PRKN: variants seen among roughly 807,000 people sequenced by gnomAD.
PRKN encodes the protein parkin RBR E3 ubiquitin protein ligase.
PRKN carries 56 observed loss-of-function variants against 59.5 expected under a neutral mutation model. The observed-to-expected ratio is 0.94, with a 90% CI of 0.76 to 1.18. The LOEUF is 1.18. Ranked by LOEUF, PRKN falls within the 50% of genes most tolerant of loss-of-function variation. The pLI, the probability that PRKN is intolerant of heterozygous loss-of-function variation, is 0.00. For missense variants in PRKN, 657 were observed against 596.4 expected (o/e 1.10, Z -1.06); for synonymous variants, 250 against 222.1 (o/e 1.13, Z -1.12).
chr6:162,207,239 C>T (rs988482610), intron 3 of PRKN, among the ~76,000 whole-genome samples: 1 of 152,026 alleles, frequency 6.6e-6, no homozygotes, highest in African/African-American at 2.4e-5. Context: ...GGCTTGGTGG[C>T]CGGACCCCTG....
At chr6:161,608,037 G>A (rs1782347212) in intron 7 of PRKN, among the ~76,000 whole-genome samples, 1 of 152,112 alleles carries the variant, frequency 6.6e-6, no homozygotes, top group Admixed American at 6.6e-5. Context: ...AGTGTTGGGG[G>A]GACAATAGAG....
chr6:162,410,530 T>C (rs1459828431), intron 2 of PRKN, among the ~76,000 whole-genome samples: 3 of 152,192 alleles, frequency 2.0e-5, no homozygotes, highest in Non-Finnish European at 4.4e-5. Context: ...CTGTCCCCCT[T>C]GCTGAAAAGC....
chr6:161,901,661 G>A (rs1777920825), intron 6 of PRKN, among the ~76,000 whole-genome samples: 3 of 152,122 alleles, frequency 2.0e-5, no homozygotes, highest in African/African-American at 7.2e-5. Context: ...ATTTAAACAG[G>A]GAGAAGGACA....
intron 2 of PRKN, among the ~76,000 whole-genome samples, chr6:162,391,357 T>A (rs971300842): frequency 6.6e-6 from 1 of 150,528 alleles, no homozygotes; most frequent in Non-Finnish European, 1.5e-5. Flanking sequence ...GACTTCCTCC[T>A]GGAAGATAAT....
intron 9 of PRKN, among the ~76,000 whole-genome samples, chr6:161,506,179 G>A (rs1238882248): frequency 3.3e-5 from 5 of 151,664 alleles, no homozygotes; most frequent in African/African-American, 1.2e-4. Context: ...TCTTCCATTT[G>A]TTTGTATCCT....
chr6:161,371,948 A>G lies in PRKN; in HGVS notation c.1168-11743T>C, dbSNP rs558587334. ...GCCACCATGCCTGGCCCAGAAGGGC[A>G]TTTTTGACAATGATTCTAACAGTGG... On this transcript the variant is annotated intron_variant, in intron 10 of 11. Transcript: ENST00000366898. This position sits in a 1 kb window ranked among gnomAD's most constrained non-coding sequence, Gnocchi z 5.5. Among the ~76,000 whole-genome samples, 2 of 152,168 alleles carry G rather than the reference A, an allele frequency of 1.3e-5. No individual in the cohort carries two copies. The highest frequency in any genetic ancestry group is 2.9e-5 in the Non-Finnish European group (2 of 68,036).
intron 2 of PRKN, among the ~76,000 whole-genome samples, chr6:162,430,237 CAAGGCACTCTTGT>C (rs1300313769): frequency 6.6e-6 from 1 of 152,092 alleles, no homozygotes; most frequent in Non-Finnish European, 1.5e-5. Context: ...TTACAACGTA[CAAGGCACTCTTGT>C]AAGTATTTCT....
intron 7 of PRKN, among the ~76,000 whole-genome samples, chr6:161,681,112 C>T (rs901913562): frequency 7.2e-5 from 11 of 152,120 alleles, no homozygotes; most frequent in Non-Finnish European, 1.6e-4. Context: ...AGGCACCTGC[C>T]ACCACGCCCA....
chr6:161,549,035 A>G lies in PRKN; in HGVS notation c.934-32T>C. 6.2e-7 allele frequency: 1 copy of G among 1,613,876 alleles called. No individual in the cohort carries two copies. Among genetic ancestry groups the G allele is most frequent in the South Asian group, 1.1e-5 (1 of 91,062 alleles). ...AACCCAAAAAGCAGATTGAGCTTTCAAACTGACTGCAAATTTCAGCCAAAG... is the reference window on the plus strand; with the variant it reads ...AACCCAAAAAGCAGATTGAGCTTTCGAACTGACTGCAAATTTCAGCCAAAG... On this transcript the variant is annotated intron_variant, in intron 8 of 11. Coordinates refer to ENST00000366898, the MANE Select transcript of PRKN (RefSeq NM_004562.3). This position sits in a 1 kb window ranked among gnomAD's most constrained non-coding sequence, Gnocchi z 6.0.
At chr6:161,611,981 G>A (rs552625803) in intron 7 of PRKN, among the ~76,000 whole-genome samples, 1 of 152,326 alleles carries the variant, frequency 6.6e-6, no homozygotes, top group South Asian at 2.1e-4. Context: ...TTCTGGATAG[G>A]AGATTAAACC....
At chr6:162,647,963 A>C (rs1031864653) in intron 1 of PRKN, among the ~76,000 whole-genome samples, 31 of 150,010 alleles carry the variant, frequency 2.1e-4, no homozygotes, top group African/African-American at 6.8e-4. Context: ...AAAAAAAAAA[A>C]AAAAAAAAAA....
intron 1 of PRKN, among the ~76,000 whole-genome samples, chr6:162,483,142 C>T (rs1583650684): frequency 6.6e-6 from 1 of 152,108 alleles, no homozygotes; most frequent in African/African-American, 2.4e-5. Flanking sequence ...ATAATGTGAA[C>T]CCCTATCCCA....
chr6:162,390,304 T>G (rs916395523), intron 2 of PRKN, among the ~76,000 whole-genome samples: 4 of 150,528 alleles, frequency 2.7e-5, no homozygotes, highest in African/African-American at 7.3e-5. Context: ...AATTTTTAGT[T>G]TTTTAAAGAA....
At chr6:162,660,617 C>G (rs1324708495) in intron 1 of PRKN, among the ~76,000 whole-genome samples, 2 of 152,132 alleles carry the variant, frequency 1.3e-5, no homozygotes, top group Non-Finnish European at 2.9e-5. Context: ...TATTTATCTA[C>G]TTGTTTGTCC....
chr6:161,494,359 A>G (rs1037889905), intron 9 of PRKN, among the ~76,000 whole-genome samples: 1 of 152,092 alleles, frequency 6.6e-6, no homozygotes, highest in Non-Finnish European at 1.5e-5. Flanking sequence ...GTTCTCCATC[A>G]CCATGTTATC....
At chr6:162,677,904 G>A (rs1049057669) in intron 1 of PRKN, among the ~76,000 whole-genome samples, 6 of 151,966 alleles carry the variant, frequency 3.9e-5, no homozygotes, top group Non-Finnish European at 7.4e-5. Flanking sequence ...TACAACAATC[G>A]AGATAATGAG....
intron 7 of PRKN, among the ~76,000 whole-genome samples, chr6:161,736,448 G>C (rs886268684): frequency 2.0e-5 from 3 of 152,186 alleles, no homozygotes; most frequent in Admixed American, 6.5e-5. Flanking sequence ...GTGGCTAATC[G>C]GTTGTGGAAG....
chr6:161,405,005 G>C lies in PRKN; in HGVS notation c.1084-18128C>G, dbSNP rs766895132. On this transcript the variant is annotated intron_variant, in intron 9 of 11. Coordinates refer to ENST00000366898, the MANE Select transcript of PRKN (RefSeq NM_004562.3). This position sits in a 1 kb window ranked among gnomAD's most constrained non-coding sequence, Gnocchi z 5.1. Reference sequence around the variant, plus strand: ...CTCTTACTGGGATGGTCTGATATACGTTTAATGTTTTATATTTTCATTGAA... The same window carrying C: ...CTCTTACTGGGATGGTCTGATATACCTTTAATGTTTTATATTTTCATTGAA... 6.6e-6 allele frequency among the ~76,000 whole-genome samples: 1 copy of C among 152,152 alleles called. No individual in the cohort carries two copies. Among genetic ancestry groups the C allele is most frequent in the Admixed American group, 6.5e-5 (1 of 15,268 alleles).
rs537416750 is a variant in PRKN at position 162,078,885 on chromosome 6, T to TG, written c.535-24712_535-24711insC. Among the ~76,000 whole-genome samples, 480 of 54,344 alleles carry TG rather than the reference T, an allele frequency of 8.8e-3. 2 individuals carry two copies. The highest frequency in any genetic ancestry group is 0.016 in the Admixed American group (61 of 3,736). 35.7% of individuals were successfully genotyped at this position (54,344 alleles called of 152,430 possible). A position where few individuals can be genotyped will look rare whatever the true frequency, so the allele number is the denominator to read the frequency against. On this transcript the variant is annotated intron_variant, in intron 4 of 11. Coordinates refer to ENST00000366898, the MANE Select transcript of PRKN (RefSeq NM_004562.3). ...TTAATAATTAATACTTAATAATTAA[T>TG]AAATACTTTAAAAAAGATTAGGTAA...
Sources: allele counts gnomAD v4.1 joint callset (sites outside exome capture counted in the v4.1 genomes callset), GRCh38; gene constraint gnomAD v4.1.1; non-coding constraint Gnocchi (gnomAD v3.1); transcripts MANE v1.5; gene names NCBI Gene and HGNC (gene_info 2026-07-23, HGNC 2026-07-21).